DDX50: variants seen among roughly 807,000 people sequenced by gnomAD.
DDX50 encodes DExD-box helicase 50.
A neutral mutation model predicts 94.8 loss-of-function variants in DDX50; 56 were observed. The observed-to-expected ratio is 0.59, with a 90% CI of 0.48 to 0.74. The LOEUF (loss-of-function observed/expected upper bound fraction) is 0.74. DDX50 is among the 30% of genes least tolerant of loss of function. The probability of loss-of-function intolerance (pLI) is 0.00; values close to 1 mark genes in which losing one functional copy is unlikely to be tolerated. For synonymous variants in DDX50, 264 were observed against 295.4 expected, an observed-to-expected ratio of 0.89 and a Z score of 1.09; for missense variants, 713 against 881.2, an observed-to-expected ratio of 0.81 and a Z score of 2.42.
intron 4 of DDX50, among the ~76,000 whole-genome samples, chr10:68,912,629 T>C (rs1841662877): frequency 6.6e-6 from 1 of 152,262 alleles, no homozygotes; most frequent in Non-Finnish European, 1.5e-5. Context: ...CACAAGTCTC[T>C]CATTTACGAA....
At chr10:68,937,304 GAAT>G (rs1842446688) in intron 12 of DDX50, among the ~76,000 whole-genome samples, 3 of 152,064 alleles carry the variant, frequency 2.0e-5, no homozygotes, top group South Asian at 4.2e-4. Flanking sequence ...AAAACTGAAA[GAAT>G]AATGCAGTAA....
At chr10:68,930,824 T>C (rs986914222) in intron 8 of DDX50, among the ~76,000 whole-genome samples, 2 of 152,194 alleles carry the variant, frequency 1.3e-5, no homozygotes, top group Admixed American at 1.3e-4. Context: ...TGGCTAACTT[T>C]TTATTTTTTA....
chr10:68,908,548 A>G (rs1408382439), intron 2 of DDX50, among the ~76,000 whole-genome samples: 2 of 148,342 alleles, frequency 1.3e-5, no homozygotes, highest in Non-Finnish European at 3.0e-5. Context: ...TGAAGACTGG[A>G]GGAGTATGTT....
intron 8 of DDX50, among the ~76,000 whole-genome samples, chr10:68,922,431 CTTGAG>C (rs986825791): frequency 2.2e-4 from 33 of 152,240 alleles, no homozygotes; most frequent in African/African-American, 7.7e-4. Flanking sequence ...CTACTTCTTT[CTTGAG>C]TTATTTTATC....
intron 1 of DDX50, among the ~76,000 whole-genome samples, chr10:68,905,677 C>T (rs1206569973): frequency 2.6e-5 from 4 of 152,170 alleles, no homozygotes; most frequent in South Asian, 2.1e-4. Context: ...TTTGGGAGGC[C>T]GAGGCTGGTG....
intron 12 of DDX50, among the ~76,000 whole-genome samples, chr10:68,937,784 C>T (rs1273168520): frequency 6.6e-6 from 1 of 152,066 alleles, no homozygotes; most frequent in Non-Finnish European, 1.5e-5. Context: ...CAGGGTTTCA[C>T]CATATTGGTC....
At position 68,944,289 on chromosome 10, in the gene DDX50, C is replaced by T. The variant is rs569631526; in HGVS notation, c.1935+1032C>T. Among the ~76,000 whole-genome samples the T allele has an allele frequency of 1.1e-4, 16 of 152,042 alleles. No individual in the cohort carries two copies. In the South Asian group the frequency reaches 2.9e-3, roughly 28 times the overall value. ...TTTAATCTATAGGTTCTTCCTCCTC[C>T]CTCTCTCTCTTTTAAAAAAGTATTC... On this transcript the variant is annotated intron_variant, in intron 14 of 14. Coordinates refer to ENST00000373585, the MANE Select transcript of DDX50 (RefSeq NM_024045.2).
At chr10:68,914,365 G>A in intron 7 of DDX50, 161 bp downstream of exon 7, 1 of 758,630 alleles carries the variant, frequency 1.3e-6, no homozygotes, top group South Asian at 2.0e-5. Flanking sequence ...AGACTGAGTA[G>A]CAGAATAGAA....
At chr10:68,910,498 G>A (rs1356391136) in intron 3 of DDX50, 116 bp downstream of exon 3, 2 of 713,816 alleles carry the variant, frequency 2.8e-6, no homozygotes, top group Admixed American at 3.1e-5. Flanking sequence ...CGCCTCCTGG[G>A]TTCAAGCGAT....
intron 11 of DDX50, 97 bp downstream of exon 11, chr10:68,936,176 GT>G: frequency 1.1e-6 from 1 of 899,832 alleles, no homozygotes; most frequent in Non-Finnish European, 1.7e-6. Flanking sequence ...TTTACCACCA[GT>G]TTTACCAGCA....
chr10:68,918,315 G>A (rs1841854445), intron 7 of DDX50, among the ~76,000 whole-genome samples: 1 of 151,406 alleles, frequency 6.6e-6, no homozygotes, highest in African/African-American at 2.4e-5. Flanking sequence ...AAAGTATACA[G>A]TGTCATATAG....
intron 8 of DDX50, among the ~76,000 whole-genome samples, chr10:68,929,332 T>TTCC (rs1842183918): frequency 2.1e-5 from 3 of 143,920 alleles, no homozygotes; most frequent in African/African-American, 5.1e-5. Flanking sequence ...TCTTTCTTTC[T>TTCC]TTCCTTCCTT....
intron 8 of DDX50, among the ~76,000 whole-genome samples, chr10:68,921,990 C>G (rs1297082338): frequency 1.3e-5 from 2 of 152,130 alleles, no homozygotes; most frequent in African/African-American, 4.8e-5. Context: ...TGTACACTTT[C>G]AATTTGTAGT....
At chr10:68,920,076 C>A in intron 8 of DDX50, 95 bp downstream of exon 8, 1 of 1,480,664 alleles carries the variant, frequency 6.8e-7, no homozygotes, top group Non-Finnish European at 9.3e-7. Context: ...ATTTGATAGT[C>A]ATTCTCAAAA....
chr10:68,920,061 A>G, intron 8 of DDX50, 80 bp downstream of exon 8: 2 of 1,553,780 alleles, frequency 1.3e-6, no homozygotes, highest in Non-Finnish European at 1.8e-6. Context: ...TCCTTTGTGG[A>G]CCAGATTTGA....
At position 68,914,213 on chromosome 10, in the gene DDX50, C is replaced by G. The variant is rs772991026; in HGVS notation, c.1089+9C>G. The G allele has an allele frequency of 6.2e-7, 1 of 1,606,444 alleles. No homozygotes were observed. The highest frequency in any genetic ancestry group is 1.1e-5 in the South Asian group (1 of 88,740). ...CTGCAACTACTGTGGAAGTAAGTAG[C>G]TTTCTAGCATGATAGATTTTAGCTT... On this transcript the variant is annotated intron_variant, in intron 7 of 14. Transcript: ENST00000373585.
chr10:68,907,740 A>G (rs1277760891), intron 2 of DDX50, among the ~76,000 whole-genome samples: 1 of 147,740 alleles, frequency 6.8e-6, no homozygotes, highest in African/African-American at 2.5e-5. Flanking sequence ...TTTTTTTTTT[A>G]ATTTGTGAAT....
intron 6 of DDX50, 87 bp from the exon 7 acceptor site, chr10:68,913,972 A>T: frequency 7.9e-7 from 1 of 1,263,946 alleles, no homozygotes; most frequent in Non-Finnish European, 1.1e-6. Flanking sequence ...ATTTTTCATT[A>T]TTTTTTTGAA....
At position 68,911,206 on chromosome 10, in the gene DDX50, A is replaced by G; in HGVS notation, c.599A>G (p.Gln200Arg). The change falls in exon 4 of 15, where the codon CAA becomes CGA. Residue 200 changes from glutamine to arginine, a missense_variant. Coordinates refer to ENST00000373585, the MANE Select transcript of DDX50 (RefSeq NM_024045.2). Reference sequence around the variant, plus strand: ...GCCATCCCCTTAATTGAAAGACTCCAAAGAAATCAAGAAACAATTAAAAAA... The same window carrying G: ...GCCATCCCCTTAATTGAAAGACTCCGAAGAAATCAAGAAACAATTAAAAAA... ...SFAIPLIERL[Q>R]RNQETIKKSR... 6.2e-7 allele frequency: 1 copy of G among 1,608,138 alleles called. No individual in the cohort carries two copies. Among genetic ancestry groups the G allele is most frequent in the Non-Finnish European group, 8.5e-7 (1 of 1,178,422 alleles).
Sources: allele counts gnomAD v4.1 joint callset (sites outside exome capture counted in the v4.1 genomes callset), GRCh38; gene constraint gnomAD v4.1.1; transcripts MANE v1.5; gene names NCBI Gene and HGNC (gene_info 2026-07-23, HGNC 2026-07-21).